COL25A1: variants seen among roughly 807,000 people sequenced by gnomAD.
The protein encoded by COL25A1 is collagen alpha-1(XXV) chain.
Under a neutral mutation model 128.4 loss-of-function variants are expected in COL25A1, and 103 were observed. That is an observed-to-expected ratio of 0.80 (90% CI 0.68 to 0.94). COL25A1 has a LOEUF of 0.94. COL25A1 is among the 40% of genes least tolerant of loss of function. COL25A1 has a pLI of 0.00. For missense variants in COL25A1, 745 were observed against 840.0 expected (o/e 0.89, Z 1.40); for synonymous variants, 279 against 277.2 (o/e 1.01, Z -0.06).
chr4:109,001,576 C>A (rs887447359), intron 6 of COL25A1, among the ~76,000 whole-genome samples: 2 of 152,136 alleles, frequency 1.3e-5, no homozygotes, highest in African/African-American at 4.8e-5. Flanking sequence ...AGTTGAGGAT[C>A]CAGGAAATGA....
intron 3 of COL25A1, among the ~76,000 whole-genome samples, chr4:109,283,005 T>C (rs1407757832): frequency 6.6e-6 from 1 of 152,108 alleles, no homozygotes; most frequent in Non-Finnish European, 1.5e-5. Context: ...AGATCATATT[T>C]TTAAGGAAAG....
At chr4:109,275,714 C>T (rs1722766440) in intron 3 of COL25A1, among the ~76,000 whole-genome samples, 1 of 152,160 alleles carries the variant, frequency 6.6e-6, no homozygotes, top group African/African-American at 2.4e-5. Flanking sequence ...ACGACTATTC[C>T]TATTTGACCC....
intron 3 of COL25A1, among the ~76,000 whole-genome samples, chr4:109,106,693 G>T (rs1424191787): frequency 6.6e-6 from 1 of 151,188 alleles, no homozygotes; most frequent in Non-Finnish European, 1.5e-5. Context: ...CACCAAAATG[G>T]AGCAGTATTT....
Position 108,817,420 on chromosome 4 carries a change from G to C in COL25A1, c.1939C>G (p.Pro647Ala). 2 of 1,613,256 alleles carry C rather than the reference G, an allele frequency of 1.2e-6. No individual in the cohort carries two copies. Among genetic ancestry groups the C allele is most frequent in the Non-Finnish European group, 1.7e-6 (2 of 1,179,378 alleles). ...APCQLGPDGL[P>A]MPGCWQK ...ACCTTTTGCCAACAGCCAGGCATGGGTAAGCCATCTGGCCCCTGTTTTAAA... is the reference window on the plus strand; with the variant it reads ...ACCTTTTGCCAACAGCCAGGCATGGCTAAGCCATCTGGCCCCTGTTTTAAA... The change falls in exon 37 of 38, where the codon CCC (proline) becomes GCC (alanine). Residue 647 changes from proline to alanine, a missense_variant. Pro to Ala is a conservative substitution (Grantham distance 27). This residue lies in a region of COL25A1 where 387 missense variants were observed against 441.9 expected (regional missense o/e 0.88). Coordinates refer to ENST00000399132, the MANE Select transcript of COL25A1 (RefSeq NM_198721.4).
At chr4:108,839,114 T>G (rs1206957586) in intron 31 of COL25A1, among the ~76,000 whole-genome samples, 11 of 152,056 alleles carry the variant, frequency 7.2e-5, no homozygotes. Flanking sequence ...CAGAAGGGGT[T>G]TTTAACCTAG....
chr4:109,154,970 A>G (rs773036731), intron 3 of COL25A1, among the ~76,000 whole-genome samples: 1 of 152,078 alleles, frequency 6.6e-6, no homozygotes, highest in Non-Finnish European at 1.5e-5. Flanking sequence ...CACCCTCCCT[A>G]GCTTCCCTCC....
At chr4:109,168,014 T>C (rs1479638798) in intron 3 of COL25A1, among the ~76,000 whole-genome samples, 3 of 152,122 alleles carry the variant, frequency 2.0e-5, no homozygotes, top group East Asian at 1.9e-4. Context: ...ATAACAGTAA[T>C]AGTTGGTTTT....
intron 3 of COL25A1, among the ~76,000 whole-genome samples, chr4:109,128,907 T>C (rs945993342): frequency 1.3e-5 from 2 of 152,210 alleles, no homozygotes; most frequent in Non-Finnish European, 2.9e-5. Context: ...CACGTTGTGT[T>C]ATAACAATAT....
At chr4:108,926,933 C>T (rs1398760685) in intron 11 of COL25A1, among the ~76,000 whole-genome samples, 3 of 152,064 alleles carry the variant, frequency 2.0e-5, no homozygotes, top group South Asian at 2.1e-4. Context: ...AGAGAGTGCA[C>T]TGCAATGTTT....
At chr4:109,214,372 T>C (rs566396859) in intron 3 of COL25A1, among the ~76,000 whole-genome samples, 4 of 152,222 alleles carry the variant, frequency 2.6e-5, no homozygotes, top group African/African-American at 9.6e-5. Flanking sequence ...TTATAATTAC[T>C]ATTTTATATA....
intron 3 of COL25A1, among the ~76,000 whole-genome samples, chr4:109,206,542 T>C (rs895355050): frequency 9.2e-5 from 14 of 152,204 alleles, no homozygotes; most frequent in African/African-American, 2.9e-4. Flanking sequence ...CTTTTGGTAC[T>C]GAAGGACCAC....
At chr4:109,200,376 C>G (rs1776455915) in intron 3 of COL25A1, among the ~76,000 whole-genome samples, 1 of 152,142 alleles carries the variant, frequency 6.6e-6, no homozygotes, top group Non-Finnish European at 1.5e-5. Context: ...AATTTTGAAT[C>G]ACCAAATCCA....
At chr4:109,214,680 C>T (rs1330729312) in intron 3 of COL25A1, among the ~76,000 whole-genome samples, 1 of 151,910 alleles carries the variant, frequency 6.6e-6, no homozygotes, top group Admixed American at 6.6e-5. Flanking sequence ...AGTATCAATG[C>T]AAGATGAAAC....
chr4:109,017,139 G>T (rs1180312695), intron 5 of COL25A1, among the ~76,000 whole-genome samples: 1 of 152,224 alleles, frequency 6.6e-6, no homozygotes, highest in Non-Finnish European at 1.5e-5. Context: ...GCCCACAGCA[G>T]AAGCCACTTG....
At chr4:108,959,144 T>C (rs1321447071) in intron 8 of COL25A1, among the ~76,000 whole-genome samples, 1 of 151,978 alleles carries the variant, frequency 6.6e-6, no homozygotes, top group East Asian at 1.9e-4. Flanking sequence ...ATGGAACAGG[T>C]TGGGTGTCAC....
chr4:108,835,413 A>C (rs1383952536), intron 31 of COL25A1, among the ~76,000 whole-genome samples: 2 of 150,166 alleles, frequency 1.3e-5, no homozygotes, highest in Non-Finnish European at 3.0e-5. Context: ...TGCAGTTAAT[A>C]ATACAGAATG....
chr4:109,006,479 A>T (rs1034344307), intron 6 of COL25A1, among the ~76,000 whole-genome samples: 3 of 137,608 alleles, frequency 2.2e-5, no homozygotes, highest in African/African-American at 8.2e-5. Flanking sequence ...ACCTCAAGTG[A>T]TCTGCCTGCC....
At chr4:109,055,100 C>T (rs1362405607) in intron 3 of COL25A1, among the ~76,000 whole-genome samples, 2 of 152,186 alleles carry the variant, frequency 1.3e-5, no homozygotes, top group Non-Finnish European at 2.9e-5. Flanking sequence ...AAAGTCCTCC[C>T]ACCTGTTTGC....
At chr4:108,978,290 C>T (rs974771162) in intron 6 of COL25A1, among the ~76,000 whole-genome samples, 1 of 152,226 alleles carries the variant, frequency 6.6e-6, no homozygotes, top group African/African-American at 2.4e-5. Flanking sequence ...CCGGCCCCGA[C>T]TTGTGCACTT....
Sources: gnomAD v4.1 joint callset for allele counts (sites outside exome capture counted in the v4.1 genomes callset) on GRCh38, gnomAD v4.1.1 for gene constraint, gnomAD v4.1.1 regional missense constraint, MANE v1.5 for transcripts, NCBI Gene and HGNC (gene_info 2026-07-23, HGNC 2026-07-21) for gene names.